Variants in CDK5RAP2 observed in about 807,000 individuals in gnomAD.
CDK5RAP2 encodes CDK5 regulatory subunit-associated protein 2.
CDK5RAP2 carries 147 observed loss-of-function variants against 232.9 expected under a neutral mutation model. The observed-to-expected ratio is 0.63, with a 90% CI of 0.55 to 0.72. The LOEUF (loss-of-function observed/expected upper bound fraction) is 0.72. CDK5RAP2 is among the 30% of genes least tolerant of loss of function. The probability of loss-of-function intolerance (pLI) is 0.00; values close to 1 mark genes in which losing one functional copy is unlikely to be tolerated. For synonymous variants in CDK5RAP2, 833 were observed against 833.7 expected (o/e 1.00, Z 0.01); for missense variants, 2,195 against 2,231.5 (o/e 0.98, Z 0.33).
At position 120,578,809 on chromosome 9, in the gene CDK5RAP2, G is replaced by A. The variant is rs144140298; in HGVS notation, c.59+1111C>T. 7.7e-3 allele frequency among the ~76,000 whole-genome samples: 1,173 copies of A among 151,988 alleles called. 6 individuals carry two copies. Among genetic ancestry groups the A allele is most frequent in the Non-Finnish European group, 0.012 (790 of 67,954 alleles). ...CTCACACTCCTGAGCTCAAGAAATC[G>A]GCCCACCTCGGCCTCCCCAAGGGCT... is the stretch of plus-strand genomic sequence containing the variant. On this transcript the variant is annotated intron_variant, in intron 1 of 37. Coordinates refer to ENST00000349780, the MANE Select transcript of CDK5RAP2 (RefSeq NM_018249.6).
intron 12 of CDK5RAP2, among the ~76,000 whole-genome samples, chr9:120,505,827 C>A (rs542235001): frequency 6.6e-6 from 1 of 152,080 alleles, no homozygotes; most frequent in East Asian, 1.9e-4. Context: ...GAAGAAGCTG[C>A]AAAAAGAAAA....
intron 12 of CDK5RAP2, among the ~76,000 whole-genome samples, chr9:120,504,884 C>T (rs2039738289): frequency 6.6e-6 from 1 of 151,940 alleles, no homozygotes; most frequent in Admixed American, 6.5e-5. Flanking sequence ...CTTCAAGGCC[C>T]AATTCAAGTG....
At position 120,567,656 on chromosome 9, in the gene CDK5RAP2, A is replaced by T. The variant is rs185716205; in HGVS notation, c.195+665T>A. Among the ~76,000 whole-genome samples, 23 of 152,358 alleles carry T rather than the reference A, an allele frequency of 1.5e-4. 1 individual carries two copies. The East Asian group carries it at 4.4e-3, about 29-fold the overall frequency. ...TGGAAGACATCAAGCATTGAAGCCA[A>T]ATCCATCACCAAGTAATCCATTCTC... On this transcript the variant is annotated intron_variant, in intron 3 of 37. Transcript: ENST00000349780.
At chr9:120,507,922 AAAAAAAAAAAAAAAAAAAAAATATATAT>A (rs1475759591) in intron 12 of CDK5RAP2, among the ~76,000 whole-genome samples, 770 of 65,334 alleles carry the variant, frequency 0.012, 12 homozygotes, top group African/African-American at 0.033. Context: ...AAAAAAAAAA[AAAAAAAAAAAAAAAAAAAAAATATATAT>A]ATATATATAT....
In CDK5RAP2 at chr9:120,529,585, T is replaced by C. The variant is rs140440319; in HGVS notation, c.825+393A>G. 8.7e-3 allele frequency among the ~76,000 whole-genome samples: 1,325 copies of C among 152,312 alleles called. 21 individuals are homozygous for C. Among genetic ancestry groups the C allele is most frequent in the African/African-American group, 0.03 (1,238 of 41,574 alleles). On this transcript the variant is annotated intron_variant, in intron 8 of 37. Transcript: ENST00000349780. ...ATACGAGTTAGTCCTCTTCCCACCC[T>C]ACCTCTCAAGTTGCAGACCAAAGTT...
chr9:120,549,195 C>T (rs77565290), intron 4 of CDK5RAP2, among the ~76,000 whole-genome samples: 6,386 of 151,608 alleles, frequency 0.042, 193 homozygotes, highest in Non-Finnish European at 0.071. Flanking sequence ...TATCATTAAG[C>T]GAAAAATATA....
chr9:120,555,307 AT>A (rs1029600197), intron 3 of CDK5RAP2, among the ~76,000 whole-genome samples: 1 of 150,596 alleles, frequency 6.6e-6, no homozygotes, highest in Non-Finnish European at 1.5e-5. Flanking sequence ...AAGTTTTTGT[AT>A]TTTTTTTTAA....
At chr9:120,484,205 T>C (rs1241529548) in intron 14 of CDK5RAP2, among the ~76,000 whole-genome samples, 1 of 152,134 alleles carries the variant, frequency 6.6e-6, no homozygotes, top group Non-Finnish European at 1.5e-5. Flanking sequence ...GAGGATAAAT[T>C]CTAAACCAAC....
chr9:120,395,598 T>C (rs903999855), intron 35 of CDK5RAP2, among the ~76,000 whole-genome samples: 5 of 152,256 alleles, frequency 3.3e-5, no homozygotes, highest in African/African-American at 1.2e-4. Context: ...GGCCGCTCTC[T>C]GCTGCGCCGA....
At chr9:120,472,683 T>C (rs1409168294) in intron 15 of CDK5RAP2, among the ~76,000 whole-genome samples, 1 of 152,146 alleles carries the variant, frequency 6.6e-6, no homozygotes, top group African/African-American at 2.4e-5. Context: ...GGAGATGTAG[T>C]GCTAAGCTGT....
rs375896806 is a variant in CDK5RAP2 at position 120,400,831 on chromosome 9, G to T, written c.5362C>A (p.Leu1788Met). ...KFVSSVSTAK[L>M]TLEEAYRRLK... Reference sequence around the variant, plus strand: ...CGCCTGTAGGCCTCTTCCAGGGTCAGCTTGGCCGTGCTCACACTGCTCACA... The same window carrying T: ...CGCCTGTAGGCCTCTTCCAGGGTCATCTTGGCCGTGCTCACACTGCTCACA... Residue 1788 changes from leucine to methionine, a missense_variant, in exon 35 of 38, where the codon CTG becomes ATG. Coordinates refer to ENST00000349780, the MANE Select transcript of CDK5RAP2 (RefSeq NM_018249.6). The T allele has an allele frequency of 9.9e-5, 159 of 1,614,122 alleles. No homozygotes were observed. The highest frequency in any genetic ancestry group is 1.3e-4 in the Non-Finnish European group (153 of 1,180,042).
rs111628637 is a variant in CDK5RAP2, at chr9:120,403,596, T to C, written c.5041+440A>G. On this transcript the variant is annotated intron_variant, in intron 33 of 37. Coordinates refer to ENST00000349780, the MANE Select transcript of CDK5RAP2 (RefSeq NM_018249.6). The surrounding 1 kb of genome is among the most constrained non-coding windows in gnomAD (Gnocchi z 4.2). ...CAAAGGCATGTCACAGAGAAATGTG[T>C]ATTCATGATGAGTCTTGAGGAAACG... 3.5e-3 allele frequency: 1,010 copies of C among 292,464 alleles called. 13 individuals are homozygous for C. Among genetic ancestry groups the C allele is most frequent in the African/African-American group, 0.02 (931 of 46,220 alleles). 18.1% of individuals were successfully genotyped at this position (292,464 alleles called of 1,614,324 possible).
intron 12 of CDK5RAP2, among the ~76,000 whole-genome samples, chr9:120,495,052 C>CA (rs2039112742): frequency 2.0e-5 from 2 of 98,764 alleles, no homozygotes; most frequent in African/African-American, 1.0e-4. Context: ...CGAGCGCCGC[C>CA]CGGGAGGCAG....
At chr9:120,392,502 A>G (rs1035720570) in intron 36 of CDK5RAP2, among the ~76,000 whole-genome samples, 4 of 152,194 alleles carry the variant, frequency 2.6e-5, no homozygotes, top group Admixed American at 6.5e-5. Context: ...TCACCTGTCA[A>G]TAGGGTTAGC....
chr9:120,516,692 G>A (rs2040356172), intron 12 of CDK5RAP2, among the ~76,000 whole-genome samples: 1 of 152,054 alleles, frequency 6.6e-6, no homozygotes, highest in African/African-American at 2.4e-5. Flanking sequence ...AGCTGGGCAT[G>A]TTGGCATCCA....
At chr9:120,474,337 C>T (rs2037885667) in intron 15 of CDK5RAP2, among the ~76,000 whole-genome samples, 1 of 152,106 alleles carries the variant, frequency 6.6e-6, no homozygotes, top group Non-Finnish European at 1.5e-5. Context: ...GATGATTTTG[C>T]CCCCACCCGC....
intron 17 of CDK5RAP2, among the ~76,000 whole-genome samples, chr9:120,468,835 A>ATTT (rs2037531302): frequency 6.6e-6 from 1 of 152,254 alleles, no homozygotes; most frequent in Non-Finnish European, 1.5e-5. Flanking sequence ...CCCAATGGCC[A>ATTT]GTAATTTTCC....
intron 4 of CDK5RAP2, among the ~76,000 whole-genome samples, chr9:120,547,600 T>C (rs1588627043): frequency 4.0e-5 from 6 of 150,754 alleles, no homozygotes; most frequent in African/African-American, 1.5e-4. Flanking sequence ...CGAGACTCCA[T>C]CTCAAAAAAA....
chr9:120,578,320 G>T (rs2043111394), intron 1 of CDK5RAP2, among the ~76,000 whole-genome samples: 1 of 152,112 alleles, frequency 6.6e-6, no homozygotes, highest in Non-Finnish European at 1.5e-5. Flanking sequence ...AAAACTATTA[G>T]AGGTGCAAAG....
Sources: allele counts gnomAD v4.1 joint callset (sites outside exome capture counted in the v4.1 genomes callset), GRCh38; gene constraint gnomAD v4.1.1; non-coding constraint Gnocchi (gnomAD v3.1); transcripts MANE v1.5; gene names NCBI Gene and HGNC (gene_info 2026-07-23, HGNC 2026-07-21).